The following HRH4 variants were observed in gnomAD, a reference collection of about 807,000 sequenced individuals.
The protein encoded by HRH4 is histamine H4 receptor.
A neutral mutation model predicts 10.4 loss-of-function variants in HRH4; 12 were observed. That is an observed-to-expected ratio of 1.15 (90% CI 0.74 to 1.87). The LOEUF is 1.87. Among genes scored for constraint, HRH4 ranks in the 40% most tolerant of loss-of-function variants. HRH4 has a pLI of 0.00. For synonymous variants in HRH4, 154 were observed against 166.6 expected, an observed-to-expected ratio of 0.92 and a Z score of 0.58; for missense variants, 415 against 453.3, an observed-to-expected ratio of 0.92 and a Z score of 0.77.
chr18:24,472,320 A>G (rs1165204775), intron 2 of HRH4, among the ~76,000 whole-genome samples: 1 of 152,194 alleles, frequency 6.6e-6, no homozygotes, highest in Non-Finnish European at 1.5e-5. Flanking sequence ...TGCTAAGATT[A>G]CAGGCATGAA....
At chr18:24,468,982 G>A (rs1909860496) in intron 2 of HRH4, 31 bp downstream of exon 2, 1 of 1,538,832 alleles carries the variant, frequency 6.5e-7, no homozygotes, top group Admixed American at 2.0e-5. Context: ...ATCCCCCTTA[G>A]AAGATTATGT....
chr18:24,460,978 T>A (rs1380137459), intron 1 of HRH4, 57 bp downstream of exon 1: 1 of 1,235,680 alleles, frequency 8.1e-7, no homozygotes, highest in Non-Finnish European at 1.1e-6. Flanking sequence ...TATTTCTAAA[T>A]CCTTAAAATA....
intron 1 of HRH4, among the ~76,000 whole-genome samples, chr18:24,467,836 G>T (rs1337776017): frequency 1.3e-5 from 2 of 152,186 alleles, no homozygotes; most frequent in African/African-American, 4.8e-5. Flanking sequence ...GGGCCACCGT[G>T]CCCGGCCTGA....
intron 2 of HRH4, among the ~76,000 whole-genome samples, chr18:24,475,179 C>T (rs1403388026): frequency 6.6e-6 from 1 of 152,126 alleles, no homozygotes; most frequent in Non-Finnish European, 1.5e-5. Flanking sequence ...ATCTCATTTT[C>T]CTTTATAGAA....
Position 24,468,856 on chromosome 18 carries a change from G to T in HRH4, c.262G>T (p.Val88Leu), listed in dbSNP as rs774108097. Reference protein sequence around the residue: ...FEWDFGKEICVFWLTTDYLLC... With the variant: ...FEWDFGKEICLFWLTTDYLLC... Reference sequence around the variant, plus strand: ...ATGGGATTTTGGAAAGGAAATCTGTGTATTTTGGCTCACTACTGACTATCT... The same window carrying T: ...ATGGGATTTTGGAAAGGAAATCTGTTTATTTTGGCTCACTACTGACTATCT... Residue 88 changes from valine (V) to leucine (L), a missense_variant, in exon 2 of 3, where the codon GTA becomes TTA. By Grantham distance (32) the Val-to-Leu change is conservative. Coordinates refer to ENST00000256906, the MANE Select transcript of HRH4 (RefSeq NM_021624.4). The T allele has an allele frequency of 6.2e-7, 1 of 1,614,008 alleles. No individual in the cohort carries two copies. The highest frequency in any genetic ancestry group is 1.1e-5 in the South Asian group (1 of 91,060).
At position 24,468,914 on chromosome 18, in the gene HRH4, T is replaced by C; in HGVS notation, c.320T>C (p.Leu107Pro). ...ACAGCATCTGTATATAACATTGTCC[T>C]CATCAGCTATGATCGATACCTGTCA... The part of the protein sequence containing the change: ...LCTASVYNIV[L>P]ISYDRYLSVS... Residue 107 changes from leucine to proline, a missense_variant, in exon 2 of 3, where the codon CTC (leucine) becomes CCC (proline). Transcript: ENST00000256906. The C allele has an allele frequency of 6.2e-7, 1 of 1,611,480 alleles. No individual in the cohort carries two copies.
rs144986064 is a variant in HRH4, at chr18:24,469,764, A to C, written c.357+813A>C. Among the ~76,000 whole-genome samples the C allele has an allele frequency of 7.4e-4, 113 of 152,104 alleles. 1 individual carries two copies. In the Middle Eastern group the frequency reaches 0.027, roughly 37 times the overall value. ...GAGTCTCCATTTCATTTTTCTTTCCAACTTTTGTTTTGGCCTCAGGGGGTA... is the reference window on the plus strand; with the variant it reads ...GAGTCTCCATTTCATTTTTCTTTCCCACTTTTGTTTTGGCCTCAGGGGGTA... On this transcript the variant is annotated intron_variant, in intron 2 of 2. Transcript: ENST00000256906.
At chr18:24,461,209 G>C (rs545517640) in intron 1 of HRH4, among the ~76,000 whole-genome samples, 5 of 152,162 alleles carry the variant, frequency 3.3e-5, no homozygotes, top group Admixed American at 1.3e-4. Flanking sequence ...AGAGTTACTT[G>C]TTTCTGGTGC....
At chr18:24,470,030 T>C (rs1223867970) in intron 2 of HRH4, among the ~76,000 whole-genome samples, 2 of 152,124 alleles carry the variant, frequency 1.3e-5, no homozygotes, top group African/African-American at 4.8e-5. Context: ...ATCGGTTCAG[T>C]ACAATGGACT....
chr18:24,462,034 A>T (rs970053116), intron 1 of HRH4, among the ~76,000 whole-genome samples: 1 of 152,164 alleles, frequency 6.6e-6, no homozygotes, highest in African/African-American at 2.4e-5. Context: ...TGGAGGAGGG[A>T]TAAAGCACGT....
chr18:24,476,098 T>C (rs1256772453), intron 2 of HRH4, among the ~76,000 whole-genome samples: 2 of 152,204 alleles, frequency 1.3e-5, no homozygotes, highest in Non-Finnish European at 2.9e-5. Context: ...TGTTTTTGAT[T>C]CCACCTTGAA....
In HRH4 at chr18:24,468,787, G is replaced by C. The variant is rs1210424955; in HGVS notation, c.194-1G>C. On this transcript the variant is annotated splice_acceptor_variant, in intron 1 of 2. Transcript: ENST00000256906. LOFTEE classifies it high-confidence loss of function. ...TTTACACTTATGTTTTCCCTGTGCAGGTGTGATCTCCATTCCTTTGTACAT... is the reference window on the plus strand; with the variant it reads ...TTTACACTTATGTTTTCCCTGTGCACGTGTGATCTCCATTCCTTTGTACAT... The C allele has an allele frequency of 1.2e-6, 2 of 1,611,358 alleles. No homozygotes were observed. The highest frequency in any genetic ancestry group is 1.7e-6 in the Non-Finnish European group (2 of 1,179,046).
At chr18:24,461,051 A>AC in intron 1 of HRH4, 130 bp downstream of exon 1, 1 of 654,184 alleles carries the variant, frequency 1.5e-6, no homozygotes, top group Non-Finnish European at 2.4e-6. Flanking sequence ...AAGTTTAAGT[A>AC]TTAAATTTTG....
At chr18:24,470,501 A>ATTTTTTTTTTTTTTTTT (rs200257355) in intron 2 of HRH4, among the ~76,000 whole-genome samples, 7 of 129,880 alleles carry the variant, frequency 5.4e-5, no homozygotes, top group Non-Finnish European at 3.2e-5. Context: ...TTGTTTCTCT[A>ATTTTTTTTTTTTTTTTT]TTTTTTTTTT....
rs1910253746 is a variant in HRH4, at chr18:24,479,572, C to T, written c.*2010C>T. 1 of 152,212 alleles carries T rather than the reference C, an allele frequency of 6.6e-6. No homozygotes were observed. Among genetic ancestry groups the T allele is most frequent in the African/African-American group, 2.4e-5 (1 of 41,444 alleles). 9.4% of individuals were successfully genotyped at this position (152,212 alleles called of 1,614,324 possible). On this transcript the variant is annotated 3_prime_UTR_variant, in exon 3 of 3. Coordinates refer to ENST00000256906, the MANE Select transcript of HRH4 (RefSeq NM_021624.4). ...CCAGCAATCTTCTTACGTCAGCCTCCAGAGTAGCTGGGACCGCAGGCACTT... is the reference window on the plus strand; with the variant it reads ...CCAGCAATCTTCTTACGTCAGCCTCTAGAGTAGCTGGGACCGCAGGCACTT...
chr18:24,462,670 A>G (rs1909674621), intron 1 of HRH4, among the ~76,000 whole-genome samples: 1 of 152,186 alleles, frequency 6.6e-6, no homozygotes, highest in Admixed American at 6.5e-5. Context: ...TTCTGGAGAA[A>G]AATTCTAGTT....
chr18:24,464,876 T>A (rs1286167689), intron 1 of HRH4, among the ~76,000 whole-genome samples: 1 of 152,088 alleles, frequency 6.6e-6, no homozygotes, highest in Non-Finnish European at 1.5e-5. Flanking sequence ...AAGACAAATT[T>A]TATAGTATTT....
rs1318681901 is a variant in HRH4, at chr18:24,477,328, T to C, written c.939T>C (p.Ala313=). 6.2e-7 allele frequency: 1 copy of C among 1,614,066 alleles called. No homozygotes were observed. The highest frequency in any genetic ancestry group is 8.5e-7 in the Non-Finnish European group (1 of 1,179,996). ...KSLAILLGVF[A]VCWAPYSLFT... ...TGGCCATTCTCTTAGGGGTTTTTGC[T>C]GTTTGCTGGGCTCCATATTCTCTGT... Residue 313 remains alanine (A), a synonymous_variant, in exon 3 of 3, where the codon GCT becomes GCC. Transcript: ENST00000256906.
intron 1 of HRH4, among the ~76,000 whole-genome samples, chr18:24,464,803 T>G (rs964558913): frequency 2.0e-5 from 3 of 152,080 alleles, no homozygotes; most frequent in African/African-American, 7.2e-5. Context: ...CCTGCCCTCA[T>G]GATGCTTCTG....
Sources: allele counts gnomAD v4.1 joint callset (sites outside exome capture counted in the v4.1 genomes callset), GRCh38; gene constraint gnomAD v4.1.1; transcripts MANE v1.5; gene names NCBI Gene and HGNC (gene_info 2026-07-23, HGNC 2026-07-21).